The following LPL variants were observed in gnomAD, a reference collection of about 807,000 sequenced individuals.
The protein encoded by LPL is lipoprotein lipase, also known as phospholipase A1.
Under a neutral mutation model 52.2 loss-of-function variants are expected in LPL, and 43 were observed. The ratio of observed to expected loss-of-function variants is 0.82; its 90% confidence interval spans 0.64 to 1.06. The LOEUF (loss-of-function observed/expected upper bound fraction) is 1.06. Among genes scored for constraint, LPL ranks in the 50% least tolerant of loss-of-function variants. The probability of loss-of-function intolerance (pLI) is 0.00; values close to 1 mark genes in which losing one functional copy is unlikely to be tolerated. For missense variants in LPL, 639 were observed against 585.3 expected, an observed-to-expected ratio of 1.09 and a Z score of -0.95; for synonymous variants, 244 against 215.6, an observed-to-expected ratio of 1.13 and a Z score of -1.15.
rs1368805294 is a variant in LPL at position 19,965,870 on chromosome 8, G to C, written c.*560G>C. 2 of 152,780 alleles carry C rather than the reference G, an allele frequency of 1.3e-5. No individual in the cohort carries two copies. The highest frequency in any genetic ancestry group is 4.8e-5 in the African/African-American group (2 of 41,446). 9.5% of individuals were successfully genotyped at this position (152,780 alleles called of 1,614,324 possible). ...CAACCAGGAACATGTAACTTGGAGA[G>C]GGACGAAGAAAGGGTCTGATAAACA... On this transcript the variant is annotated 3_prime_UTR_variant, in exon 10 of 10. Transcript: ENST00000650287.
At chr8:19,954,746 A>G (rs951382417) in intron 5 of LPL, among the ~76,000 whole-genome samples, 1 of 152,240 alleles carries the variant, frequency 6.6e-6, no homozygotes, top group Non-Finnish European at 1.5e-5. Flanking sequence ...ATTAGGATAA[A>G]TCTTCCAAAA....
Position 19,953,394 on chromosome 8 carries a change from A to T in LPL, c.514A>T (p.Thr172Ser). 6.2e-7 allele frequency: 1 copy of T among 1,613,898 alleles called. No homozygotes were observed. Among genetic ancestry groups the T allele is most frequent in the Non-Finnish European group, 8.5e-7 (1 of 1,179,790 alleles). Residue 172 changes from threonine to serine, a missense_variant, in exon 4 of 10, where the codon ACC becomes TCC. Coordinates refer to ENST00000650287, the MANE Select transcript of LPL (RefSeq NM_000237.3). ...AHAAGIAGSL[T>S]NKKVNRITGL... ...TGCTGCTGGCATTGCAGGAAGTCTGACCAATAAGAAAGTCAACAGAATTAC... is the reference window on the plus strand; with the variant it reads ...TGCTGCTGGCATTGCAGGAAGTCTGTCCAATAAGAAAGTCAACAGAATTAC...
rs2069901707 is a variant in LPL, at chr8:19,948,300, A to G, written c.209A>G (p.Asn70Ser). Residue 70 changes from asparagine to serine, a missense_variant, in exon 2 of 10, where the codon AAT becomes AGT. Physicochemically the swap from Asn to Ser is conservative, Grantham distance 46. Transcript: ENST00000650287. ...GAGTCCGTGGCTACCTGTCATTTCAATCACAGCAGCAAAACCTTCATGGTG... is the reference window on the plus strand; with the variant it reads ...GAGTCCGTGGCTACCTGTCATTTCAGTCACAGCAGCAAAACCTTCATGGTG... ...VAESVATCHF[N>S]HSSKTFMVIH... 1 of 1,614,134 alleles carries G rather than the reference A, an allele frequency of 6.2e-7. No homozygotes were observed. Among genetic ancestry groups the G allele is most frequent in the South Asian group, 1.1e-5 (1 of 91,074 alleles).
Position 19,939,636 on chromosome 8 carries a change from C to G in LPL, c.88+108C>G, listed in dbSNP as rs1349564474. ...AGTTGGAAGGGGCGGTGGATGCGCC[C>G]AGGGACTCTCCCAGCCTGGGCTCTA... On this transcript the variant is annotated intron_variant, in intron 1 of 9. Transcript: ENST00000650287. The surrounding 1 kb of genome is among the most constrained non-coding windows in gnomAD (Gnocchi z 4.0). 8.6e-7 allele frequency: 1 copy of G among 1,161,000 alleles called. No homozygotes were observed. The highest frequency in any genetic ancestry group is 1.2e-6 in the Non-Finnish European group (1 of 810,832). The allele number at this position is 1,161,000 out of a possible 1,614,324, so 71.9% of individuals were successfully genotyped here.
At position 19,954,344 on chromosome 8, in the gene LPL, G is replaced by A; in HGVS notation, c.766G>A (p.Gly256Arg). 6.2e-7 allele frequency: 1 copy of A among 1,613,384 alleles called. No homozygotes were observed. The highest frequency in any genetic ancestry group is 8.5e-7 in the Non-Finnish European group (1 of 1,179,336). The change falls in exon 5 of 10, where the codon GGA becomes AGA. Residue 256 changes from glycine to arginine, a missense_variant. Transcript: ENST00000650287. ...GEAIRVIAER[G>R]LGDVDQLVKC... ...AGCTATCCGCGTGATTGCAGAGAGAGGACTTGGAGGTAAATATTATTTAGA... is the reference window on the plus strand; with the variant it reads ...AGCTATCCGCGTGATTGCAGAGAGAAGACTTGGAGGTAAATATTATTTAGA...
chr8:19,958,725 T>C (rs2070009665), intron 6 of LPL, among the ~76,000 whole-genome samples: 1 of 152,148 alleles, frequency 6.6e-6, no homozygotes, highest in Non-Finnish European at 1.5e-5. Flanking sequence ...ACTAGACACC[T>C]AATCTGCGCT....
rs1176162871 is a variant in LPL at position 19,939,863 on chromosome 8, G to A, written c.88+335G>A. 1.3e-5 allele frequency among the ~76,000 whole-genome samples: 2 copies of A among 152,210 alleles called. No homozygotes were observed. Among genetic ancestry groups the A allele is most frequent in the African/African-American group, 4.8e-5 (2 of 41,470 alleles). Reference sequence around the variant, plus strand: ...GGGTGTGGGGGCCGGGACGGCGGAGGCGGGGAGTAAGGGCCCGGCTGGCGG... The same window carrying A: ...GGGTGTGGGGGCCGGGACGGCGGAGACGGGGAGTAAGGGCCCGGCTGGCGG... On this transcript the variant is annotated intron_variant, in intron 1 of 9. Transcript: ENST00000650287. This position sits in a 1 kb window ranked among gnomAD's most constrained non-coding sequence, Gnocchi z 4.0.
At chr8:19,956,918 G>C (rs1264632065) in intron 6 of LPL, among the ~76,000 whole-genome samples, 1 of 152,072 alleles carries the variant, frequency 6.6e-6, no homozygotes, top group African/African-American at 2.4e-5. Context: ...CTGCCTCCCG[G>C]GTTCAAATGA....
intron 1 of LPL, among the ~76,000 whole-genome samples, chr8:19,947,775 T>C (rs1258688004): frequency 6.6e-6 from 1 of 150,414 alleles, no homozygotes; most frequent in African/African-American, 2.4e-5. Flanking sequence ...CGGGCTCTGA[T>C]CCTCACCCTC....
chr8:19,947,778 T>A (rs981669145), intron 1 of LPL, among the ~76,000 whole-genome samples: 1 of 150,792 alleles, frequency 6.6e-6, no homozygotes, highest in Admixed American at 6.7e-5. Flanking sequence ...GCTCTGATCC[T>A]CACCCTCCCA....
chr8:19,959,462 G>C, intron 7 of LPL, 82 bp downstream of exon 7: 2 of 1,525,172 alleles, frequency 1.3e-6, no homozygotes, highest in Admixed American at 1.9e-5. Context: ...GAAGCAGAGA[G>C]CGATGCCTAG....
intron 3 of LPL, among the ~76,000 whole-genome samples, chr8:19,952,221 G>GA (rs1228953203): frequency 1.2e-4 from 18 of 152,310 alleles, no homozygotes; most frequent in East Asian, 3.9e-4. Flanking sequence ...GGGCCCAACA[G>GA]AAAAAAGCTT....
chr8:19,951,762 T>C lies in LPL; in HGVS notation c.250-7T>C. ...TATTTTAAGAAAGCTTGTGTCATCA[T>C]CTTCAGGTAACAGGAATGTATGAGA... is the stretch of plus-strand genomic sequence containing the variant. On this transcript the variant is annotated splice_region_variant and splice_polypyrimidine_tract_variant and intron_variant, in intron 2 of 9. Coordinates refer to ENST00000650287, the MANE Select transcript of LPL (RefSeq NM_000237.3). 6.8e-6 allele frequency: 11 copies of C among 1,614,154 alleles called. No homozygotes were observed. The highest frequency in any genetic ancestry group is 9.3e-6 in the Non-Finnish European group (11 of 1,179,990).
At chr8:19,964,326 T>C (rs1189194099) in intron 9 of LPL, among the ~76,000 whole-genome samples, 4 of 152,272 alleles carry the variant, frequency 2.6e-5, no homozygotes, top group African/African-American at 9.6e-5. Context: ...TCTACAACTT[T>C]AAATCTACAT....
chr8:19,946,391 C>G (rs962196067), intron 1 of LPL, among the ~76,000 whole-genome samples: 1 of 151,910 alleles, frequency 6.6e-6, no homozygotes, highest in Admixed American at 6.6e-5. Flanking sequence ...TCTTAAACCA[C>G]AATATTGTTT....
At position 19,953,386 on chromosome 8, in the gene LPL, G is replaced by A. The variant is rs118204063; in HGVS notation, c.506G>A (p.Gly169Glu). Reference protein sequence around the residue: ...SLGAHAAGIAGSLTNKKVNRI... With the variant: ...SLGAHAAGIAESLTNKKVNRI... ...GGAGCCCATGCTGCTGGCATTGCAG[G>A]AAGTCTGACCAATAAGAAAGTCAAC... The change falls in exon 4 of 10, where the codon GGA becomes GAA. Residue 169 changes from glycine (G) to glutamate (E), a missense_variant. Coordinates refer to ENST00000650287, the MANE Select transcript of LPL (RefSeq NM_000237.3). 3.1e-6 allele frequency: 5 copies of A among 1,614,002 alleles called. No individual in the cohort carries two copies. Among genetic ancestry groups the A allele is most frequent in the Non-Finnish European group, 4.2e-6 (5 of 1,179,878 alleles).
rs1161286800 is a variant in LPL, at chr8:19,948,347, G to C, written c.249+7G>C. 2 of 1,613,712 alleles carry C rather than the reference G, an allele frequency of 1.2e-6. No homozygotes were observed. Among genetic ancestry groups the C allele is most frequent in the African/African-American group, 2.7e-5 (2 of 75,028 alleles). On this transcript the variant is annotated splice_region_variant and intron_variant, in intron 2 of 9. Coordinates refer to ENST00000650287, the MANE Select transcript of LPL (RefSeq NM_000237.3). ...GGTGATCCATGGCTGGACGGTAAGG[G>C]AGGCTCTTTGGGGAAGAGTGGATTG...
chr8:19,941,145 T>C (rs1477318325), intron 1 of LPL, among the ~76,000 whole-genome samples: 2 of 152,036 alleles, frequency 1.3e-5, no homozygotes, highest in Non-Finnish European at 2.9e-5. Context: ...CAAAGCAAAA[T>C]TGGATAAGAA....
intron 1 of LPL, among the ~76,000 whole-genome samples, chr8:19,945,741 A>G (rs985124852): frequency 2.0e-5 from 3 of 152,220 alleles, no homozygotes; most frequent in African/African-American, 7.2e-5. Flanking sequence ...ATTCTAGGGG[A>G]AAGTGGACTA....
Sources: allele counts gnomAD v4.1 joint callset (sites outside exome capture counted in the v4.1 genomes callset), GRCh38; gene constraint gnomAD v4.1.1; non-coding constraint Gnocchi (gnomAD v3.1); transcripts MANE v1.5; gene names NCBI Gene and HGNC (gene_info 2026-07-23, HGNC 2026-07-21).